CLNK: variants seen among roughly 807,000 people sequenced by gnomAD.
The protein encoded by CLNK is cytokine-dependent hematopoietic cell linker.
Under a neutral mutation model 68.6 loss-of-function variants are expected in CLNK, and 74 were observed. The observed-to-expected ratio is 1.08, with a 90% CI of 0.89 to 1.31. CLNK has a LOEUF of 1.31. CLNK is among the 50% of genes most tolerant of loss of function. CLNK has a pLI of 0.00. For missense variants in CLNK, 553 were observed against 515.3 expected (o/e 1.07, Z -0.71); for synonymous variants, 198 against 172.2 (o/e 1.15, Z -1.17).
intron 2 of CLNK, among the ~76,000 whole-genome samples, chr4:10,663,471 G>T (rs138755451): frequency 3.3e-5 from 5 of 152,246 alleles, no homozygotes; most frequent in African/African-American, 1.2e-4. Context: ...TATAAATGAG[G>T]TGTGTGAAAT....
chr4:10,656,985 A>G (rs1724013502), intron 2 of CLNK, among the ~76,000 whole-genome samples: 3 of 152,260 alleles, frequency 2.0e-5, no homozygotes, highest in Non-Finnish European at 2.9e-5. Flanking sequence ...TACATAGCTC[A>G]CATTATGTTC....
chr4:10,714,017 T>C, the CLNK span, among the ~76,000 whole-genome samples: 47 of 152,338 alleles, frequency 3.1e-4, 1 homozygote, highest in East Asian at 3.9e-3. Flanking sequence ...CTTCCTGTCA[T>C]TCTCTCCTTT....
chr4:10,612,169 C>G (rs1048999005), intron 2 of CLNK, among the ~76,000 whole-genome samples: 2 of 152,202 alleles, frequency 1.3e-5, no homozygotes. Flanking sequence ...ACCCACATCT[C>G]TCAGCGAAAA....
intron 2 of CLNK, among the ~76,000 whole-genome samples, chr4:10,614,696 T>C (rs1163125087): frequency 6.6e-6 from 1 of 152,246 alleles, no homozygotes; most frequent in Non-Finnish European, 1.5e-5. Flanking sequence ...AGGAAGTTGA[T>C]GTGATCCCTC....
intron 2 of CLNK, among the ~76,000 whole-genome samples, chr4:10,648,679 T>C (rs947912344): frequency 9.9e-5 from 15 of 152,152 alleles, no homozygotes; most frequent in African/African-American, 3.6e-4. Context: ...ACAGAGCTTG[T>C]GAAAGGTGGA....
At chr4:10,728,579 CCTTT>C in the CLNK span, among the ~76,000 whole-genome samples, 62,255 of 103,464 alleles carry the variant, frequency 0.6, 17,334 homozygotes, top group Non-Finnish European at 0.65. Context: ...TGTGATGTAT[CCTTT>C]CTTTCTTTCT....
At position 10,488,288 on chromosome 4, in the gene CLNK, T is replaced by C. The variant is rs1247643254; in HGVS notation, c.*2179A>G. On this transcript the variant is annotated 3_prime_UTR_variant, in exon 19 of 19. Transcript: ENST00000226951. Reference sequence around the variant, plus strand: ...CATTCACCTATTTTATCAACAGCAATGGTTGAGAGGACTCATAGACATTTC... The same window carrying C: ...CATTCACCTATTTTATCAACAGCAACGGTTGAGAGGACTCATAGACATTTC... 1 of 152,174 alleles carries C rather than the reference T, an allele frequency of 6.6e-6. No homozygotes were observed. 9.4% of individuals were successfully genotyped at this position (152,174 alleles called of 1,614,324 possible).
intron 5 of CLNK, among the ~76,000 whole-genome samples, chr4:10,568,744 G>A (rs1441945206): frequency 3.3e-5 from 5 of 152,158 alleles, no homozygotes; most frequent in Admixed American, 2.6e-4. Flanking sequence ...CCTCTTCAGA[G>A]CCCCTGGAGG....
At chr4:10,699,268 C>CACACATACACCACGTATGTGTGTAT in the CLNK span, among the ~76,000 whole-genome samples, 1 of 32,416 alleles carries the variant, frequency 3.1e-5, no homozygotes, top group African/African-American at 8.3e-5. Flanking sequence ...TGTGTATACA[C>CACACATACACCACGTATGTGTGTAT]ACACACACAC....
At chr4:10,711,282 G>A in the CLNK span, among the ~76,000 whole-genome samples, 1 of 152,150 alleles carries the variant, frequency 6.6e-6, no homozygotes, top group African/African-American at 2.4e-5. Flanking sequence ...GGAGTACAGG[G>A]CCTGGTGTCC....
the CLNK span, among the ~76,000 whole-genome samples, chr4:10,704,277 T>G: frequency 6.6e-6 from 1 of 152,156 alleles, no homozygotes; most frequent in Admixed American, 6.5e-5. Context: ...TAAAATGCCA[T>G]TTCGGGAAAT....
intron 11 of CLNK, among the ~76,000 whole-genome samples, chr4:10,537,647 CTT>C (rs1341751481): frequency 4.2e-5 from 2 of 47,288 alleles, no homozygotes; most frequent in African/African-American, 9.2e-5. Context: ...CTCTTTCTTT[CTT>C]TCTTTCTTTC....
At chr4:10,552,069 G>C (rs1719484754) in intron 8 of CLNK, among the ~76,000 whole-genome samples, 1 of 151,882 alleles carries the variant, frequency 6.6e-6, no homozygotes, top group African/African-American at 2.4e-5. Flanking sequence ...TGTTAGCCAG[G>C]ATGGTCTCGA....
At chr4:10,648,050 G>A (rs1056795689) in intron 2 of CLNK, among the ~76,000 whole-genome samples, 2 of 152,124 alleles carry the variant, frequency 1.3e-5, no homozygotes, top group Non-Finnish European at 2.9e-5. Context: ...CTGGAAACCA[G>A]AAAAAATTGG....
the CLNK span, among the ~76,000 whole-genome samples, chr4:10,694,566 G>C: frequency 2.0e-5 from 3 of 152,122 alleles, no homozygotes; most frequent in Non-Finnish European, 4.4e-5. Context: ...CAGGTTTGTA[G>C]CCTAGGAACA....
At chr4:10,626,618 A>G (rs1246480319) in intron 2 of CLNK, among the ~76,000 whole-genome samples, 1 of 152,258 alleles carries the variant, frequency 6.6e-6, no homozygotes, top group East Asian at 1.9e-4. Flanking sequence ...CAAACGATAT[A>G]TTCTGGTTTG....
chr4:10,557,117 A>AAATAAATAAATG (rs1323248923), intron 8 of CLNK, among the ~76,000 whole-genome samples: 2 of 151,274 alleles, frequency 1.3e-5, no homozygotes, highest in Admixed American at 1.3e-4. Flanking sequence ...ATAAATAAAT[A>AAATAAATAAATG]AATGGAGAAC....
intron 17 of CLNK, among the ~76,000 whole-genome samples, chr4:10,506,550 C>T (rs960896978): frequency 6.6e-6 from 1 of 152,156 alleles, no homozygotes; most frequent in Non-Finnish European, 1.5e-5. Context: ...AGAAGTGAGA[C>T]ATAAAGACCC....
the CLNK span, among the ~76,000 whole-genome samples, chr4:10,717,660 A>C: frequency 6.6e-6 from 1 of 152,212 alleles, no homozygotes. Flanking sequence ...CAATGGAGCC[A>C]GGTGAGAAAT....
Sources: gnomAD v4.1 joint callset for allele counts (sites outside exome capture counted in the v4.1 genomes callset) on GRCh38, gnomAD v4.1.1 for gene constraint, MANE v1.5 for transcripts, NCBI Gene and HGNC (gene_info 2026-07-23, HGNC 2026-07-21) for gene names.